The following SLF2 variants were observed in gnomAD, a reference collection of about 807,000 sequenced individuals.
SLF2 encodes the protein SMC5/6 complex localization factor 2.
In SLF2, 68 loss-of-function variants were observed where a neutral mutation model predicts 124.3. The ratio of observed to expected loss-of-function variants is 0.55; its 90% CI spans 0.45 to 0.67. SLF2 has a LOEUF of 0.67. Among genes scored for constraint, SLF2 ranks in the 30% least tolerant of loss-of-function variants. The pLI, the probability that SLF2 is intolerant of heterozygous loss-of-function variation, is 0.00. For synonymous variants in SLF2, 480 were observed against 478.8 expected (o/e 1.00, Z -0.03); for missense variants, 1,246 against 1,373.7 (o/e 0.91, Z 1.47).
chr10:100,913,742 G>T, intron 1 of SLF2: 1 of 987,930 alleles, frequency 1.0e-6, no homozygotes, highest in Non-Finnish European at 1.2e-6. Flanking sequence ...TGCAGATTTG[G>T]AATGTGACGT....
chr10:100,938,115 A>C (rs969027328), intron 10 of SLF2, among the ~76,000 whole-genome samples: 1 of 152,196 alleles, frequency 6.6e-6, no homozygotes, highest in African/African-American at 2.4e-5. Context: ...TTGGTAAGCA[A>C]CAGTATTATA....
chr10:100,929,763 A>C, intron 7 of SLF2, 67 bp from the exon 8 acceptor site: 2 of 1,252,520 alleles, frequency 1.6e-6, no homozygotes, highest in Non-Finnish European at 2.2e-6. Flanking sequence ...CTTTGCACCC[A>C]GCTTTTAAAT....
At chr10:100,923,069 C>T (rs1849549813) in intron 4 of SLF2, among the ~76,000 whole-genome samples, 1 of 152,192 alleles carries the variant, frequency 6.6e-6, no homozygotes, top group South Asian at 2.1e-4. Context: ...ACCCACCGCA[C>T]TCAGCCCACA....
chr10:100,916,655 A>G lies in SLF2; in HGVS notation c.270A>G (p.Glu90=), dbSNP rs1264896648. 6.6e-7 allele frequency: 1 copy of G among 1,523,440 alleles called. No individual in the cohort carries two copies. Among genetic ancestry groups the G allele is most frequent in the Non-Finnish European group, 8.8e-7 (1 of 1,141,428 alleles). The allele number at this position is 1,523,440 out of a possible 1,614,324, so 94.4% of individuals were successfully genotyped here. ...CTATCACTGGGACAGAGCAGTTTGA[A>G]AGGAAACTATCCTCACCAAAAGAAT... The part of the protein sequence containing the change: ...RLSITGTEQF[E]RKLSSPKESK... Residue 90 remains glutamate, a synonymous_variant, in exon 3 of 20, where the codon GAA becomes GAG. Coordinates refer to ENST00000238961, the MANE Select transcript of SLF2 (RefSeq NM_018121.4).
intron 17 of SLF2, among the ~76,000 whole-genome samples, chr10:100,954,638 C>G (rs1850290422): frequency 6.6e-6 from 1 of 152,046 alleles, no homozygotes; most frequent in South Asian, 2.1e-4. Context: ...GAAAGGTTAT[C>G]TTGTTCCTAT....
intron 16 of SLF2, 106 bp from the exon 17 acceptor site, chr10:100,950,568 CTT>C: frequency 1.1e-6 from 1 of 922,586 alleles, no homozygotes; most frequent in Admixed American, 2.3e-5. Flanking sequence ...GCTGGGTTAA[CTT>C]GACCGTATCC....
chr10:100,950,173 T>C lies in SLF2; in HGVS notation c.3218T>C (p.Ile1073Thr). The C allele has an allele frequency of 6.2e-7, 1 of 1,613,814 alleles. No individual in the cohort carries two copies. Among genetic ancestry groups the C allele is most frequent in the South Asian group, 1.1e-5 (1 of 91,030 alleles). ...AAGGCTGAACAACCAGATGGCATTATTGATGACAGTCTTCATTTAGAACTT... is the reference window on the plus strand; with the variant it reads ...AAGGCTGAACAACCAGATGGCATTACTGATGACAGTCTTCATTTAGAACTT... ...KKKAEQPDGI[I>T]DDSLHLELEK... Residue 1073 changes from isoleucine to threonine, a missense_variant, in exon 16 of 20, where the codon ATT becomes ACT. Transcript: ENST00000238961.
chr10:100,942,829 G>A (rs971382784), intron 11 of SLF2, among the ~76,000 whole-genome samples: 21 of 152,010 alleles, frequency 1.4e-4, no homozygotes, highest in East Asian at 3.9e-4. Context: ...AAATTTTGCC[G>A]TATTGCCCAG....
chr10:100,929,994 TTAAG>T lies in SLF2; in HGVS notation c.2333+4_2333+7del, dbSNP rs772305914. On this transcript the variant is annotated splice_donor_variant and coding_sequence_variant, in exon 8 of 20. Transcript: ENST00000238961. LOFTEE classifies it high-confidence loss of function. ...CAAAGTGCTGTAGAAAAACTTATTC[TTAAG>T]TAAGTAGAAAAATAGACATTTTACT... is the stretch of plus-strand genomic sequence containing the variant. 1 of 1,509,500 alleles carries T rather than the reference TTAAG, an allele frequency of 6.6e-7. No homozygotes were observed. Among genetic ancestry groups the T allele is most frequent in the Non-Finnish European group, 8.9e-7 (1 of 1,125,800 alleles). 93.5% of individuals were successfully genotyped at this position (1,509,500 alleles called of 1,614,324 possible). A position where few individuals can be genotyped will look rare whatever the true frequency, so the allele number is the denominator to read the frequency against.
intron 18 of SLF2, 62 bp from the exon 19 acceptor site, chr10:100,959,366 A>G (rs1166565597): frequency 1.8e-5 from 27 of 1,489,326 alleles, no homozygotes; most frequent in Non-Finnish European, 2.3e-5. Context: ...GTGTAGTGTT[A>G]AGCTGATTGT....
chr10:100,933,220 T>G (rs1407260141), intron 9 of SLF2, among the ~76,000 whole-genome samples: 1 of 152,240 alleles, frequency 6.6e-6, no homozygotes, highest in African/African-American at 2.4e-5. Flanking sequence ...TTAATTTGCC[T>G]CTTGTTGATG....
At chr10:100,947,625 T>C in intron 14 of SLF2, 135 bp from the exon 15 acceptor site, 1 of 537,906 alleles carries the variant, frequency 1.9e-6, no homozygotes, top group South Asian at 3.4e-5. Flanking sequence ...ACAGCTTATA[T>C]GTTCCTGTAC....
chr10:100,947,378 A>AT (rs1850124884), intron 14 of SLF2, among the ~76,000 whole-genome samples: 2 of 151,468 alleles, frequency 1.3e-5, no homozygotes, highest in South Asian at 4.2e-4. Context: ...CAAGCTGAAT[A>AT]TTTTTTTATT....
chr10:100,938,761 G>A lies in SLF2; in HGVS notation c.2654+25G>A, dbSNP rs367747694. On this transcript the variant is annotated intron_variant, in intron 11 of 19. Transcript: ENST00000238961. ...TGTAAGTTTTCTCATCATAATTAACGCCAAAAATATCATTTCGTACGACTT... is the reference window on the plus strand; with the variant it reads ...TGTAAGTTTTCTCATCATAATTAACACCAAAAATATCATTTCGTACGACTT... 246 of 1,564,510 alleles carry A rather than the reference G, an allele frequency of 1.6e-4. No individual in the cohort carries two copies. The African/African-American group carries it at 2.7e-3, about 17-fold the overall frequency.
At chr10:100,920,949 G>A (rs1321300244) in intron 4 of SLF2, among the ~76,000 whole-genome samples, 1 of 151,850 alleles carries the variant, frequency 6.6e-6, no homozygotes, top group Non-Finnish European at 1.5e-5. Context: ...ACTCAATCTC[G>A]AAAAAAATAA....
intron 9 of SLF2, 58 bp downstream of exon 9, chr10:100,931,136 C>A: frequency 1.5e-6 from 2 of 1,325,216 alleles, no homozygotes; most frequent in Non-Finnish European, 2.1e-6. Context: ...AAGTCAAAAG[C>A]TTTTAAACAT....
chr10:100,922,120 G>C (rs1039754940), intron 4 of SLF2, among the ~76,000 whole-genome samples: 5 of 152,104 alleles, frequency 3.3e-5, no homozygotes, highest in Admixed American at 2.0e-4. Context: ...GTCTTACTCT[G>C]GTGCCCAGGC....
chr10:100,931,121 T>C, intron 9 of SLF2, 43 bp downstream of exon 9: 1 of 1,414,394 alleles, frequency 7.1e-7, no homozygotes, highest in Non-Finnish European at 9.8e-7. Context: ...TCCTACTATA[T>C]TTCTAAGTCA....
At chr10:100,913,324 C>G (rs772692707) in intron 1 of SLF2, 74 bp downstream of exon 1, 1 of 1,380,558 alleles carries the variant, frequency 7.2e-7, no homozygotes, top group Non-Finnish European at 9.4e-7. Flanking sequence ...CAGACCGCCG[C>G]TCTTCCAGTT....
Sources: gnomAD v4.1 joint callset for allele counts (sites outside exome capture counted in the v4.1 genomes callset) on GRCh38, gnomAD v4.1.1 for gene constraint, MANE v1.5 for transcripts, NCBI Gene and HGNC (gene_info 2026-07-23, HGNC 2026-07-21) for gene names.